GPR19: variants seen among roughly 807,000 people sequenced by gnomAD.
GPR19 encodes the protein G protein-coupled receptor 19.
Under a neutral mutation model 28.5 loss-of-function variants are expected in GPR19, and 14 were observed. The ratio of observed to expected loss-of-function variants is 0.49; its 90% CI spans 0.32 to 0.77. The LOEUF (loss-of-function observed/expected upper bound fraction) is 0.77, where lower values mean the gene tolerates loss of function less well. Among genes scored for constraint, GPR19 ranks in the 30% least tolerant of loss-of-function variants. The pLI is 0.03. For synonymous variants in GPR19, 173 were observed against 184.1 expected, an observed-to-expected ratio of 0.94 and a Z score of 0.49; for missense variants, 409 against 504.1, an observed-to-expected ratio of 0.81 and a Z score of 1.81.
At chr12:12,680,745 G>C (rs562396908) in intron 3 of GPR19, among the ~76,000 whole-genome samples, 18 of 152,058 alleles carry the variant, frequency 1.2e-4, no homozygotes, top group African/African-American at 3.9e-4. Flanking sequence ...CTGGAGAGCA[G>C]TGGCACCATC....
chr12:12,668,833 T>C lies in GPR19; in HGVS notation c.-22-6363A>G, dbSNP rs144494713. 6 of 152,266 alleles carry C rather than the reference T, an allele frequency of 3.9e-5. No homozygotes were observed. In the East Asian group the frequency reaches 1.2e-3, roughly 29 times the overall value. The allele number at this position is 152,266 out of a possible 1,614,324, so 9.4% of individuals were successfully genotyped here. ...AAGAGTTAATACTTATTTTTGTGCT[T>C]ACTATGTGCCAGGCACTTTATATGT... On this transcript the variant is annotated intron_variant, in intron 3 of 3. Transcript: ENST00000651487.
At chr12:12,680,135 A>C (rs905915991) in intron 3 of GPR19, among the ~76,000 whole-genome samples, 1 of 152,240 alleles carries the variant, frequency 6.6e-6, no homozygotes, top group Non-Finnish European at 1.5e-5. Context: ...AATTTTCTAG[A>C]ATGATATTTG....
chr12:12,693,506 C>A (rs1488931246), intron 2 of GPR19, among the ~76,000 whole-genome samples: 2 of 152,204 alleles, frequency 1.3e-5, no homozygotes, highest in Admixed American at 1.3e-4. Context: ...TGTGCTAGAT[C>A]AAAAGACCAG....
intron 1 of GPR19, among the ~76,000 whole-genome samples, 197 bp from the exon 2 acceptor site, chr12:12,695,708 C>T (rs12582902): frequency 1.3e-5 from 2 of 152,094 alleles, no homozygotes; most frequent in East Asian, 3.9e-4. Context: ...TAAATGCATG[C>T]CATTTCTGCC....
At chr12:12,700,381 T>C (rs1041767379), upstream of GPR19, among the ~76,000 whole-genome samples, 5 of 152,034 alleles carry the variant, frequency 3.3e-5, no homozygotes, top group Admixed American at 6.6e-5. Flanking sequence ...TTTGTTAGAC[T>C]CTCTCATAAG....
chr12:12,712,144 C>T, the GPR19 span, among the ~76,000 whole-genome samples: 1 of 152,238 alleles, frequency 6.6e-6, no homozygotes, highest in African/African-American at 2.4e-5. Context: ...CTTTGCGGCT[C>T]AGGAGATTAT....
At chr12:12,710,318 A>G in the GPR19 span, among the ~76,000 whole-genome samples, 1 of 139,314 alleles carries the variant, frequency 7.2e-6, no homozygotes, top group Non-Finnish European at 1.5e-5. Flanking sequence ...GTGCCATTAC[A>G]CTCCAGCTTG....
the GPR19 span, among the ~76,000 whole-genome samples, chr12:12,704,363 G>A: frequency 6.6e-6 from 1 of 152,166 alleles, no homozygotes; most frequent in Admixed American, 6.5e-5. Context: ...CTAGCTGGGT[G>A]TGGTAGTACA....
intron 2 of GPR19, among the ~76,000 whole-genome samples, chr12:12,685,633 G>T (rs952309329): frequency 6.6e-6 from 1 of 152,202 alleles, no homozygotes; most frequent in African/African-American, 2.4e-5. Flanking sequence ...AGTATTCTCA[G>T]AGCCAAATTG....
chr12:12,691,315 G>A lies in GPR19; in HGVS notation c.-180+4144C>T, dbSNP rs528606200. 7.2e-4 allele frequency among the ~76,000 whole-genome samples: 109 copies of A among 152,232 alleles called. 3 individuals carry two copies. The South Asian group carries it at 0.021, about 29-fold the overall frequency. On this transcript the variant is annotated intron_variant, in intron 2 of 3. Transcript: ENST00000651487. ...TAAAATTCCGTTAACTTTCCAGAAT[G>A]AGCCTGCCAATAGCTCTGGTCTAAA...
chr12:12,705,683 G>A, the GPR19 span, among the ~76,000 whole-genome samples: 1 of 152,016 alleles, frequency 6.6e-6, no homozygotes, highest in Non-Finnish European at 1.5e-5. Flanking sequence ...CAGTAGCTGG[G>A]ACTACAGGCA....
At chr12:12,694,186 G>GTTTTTTT (rs1256563402) in intron 2 of GPR19, among the ~76,000 whole-genome samples, 1 of 93,508 alleles carries the variant, frequency 1.1e-5, no homozygotes, top group African/African-American at 4.1e-5. Flanking sequence ...TAGAGTACCT[G>GTTTTTTT]TCTTTTTTTT....
chr12:12,713,908 T>C, the GPR19 span, among the ~76,000 whole-genome samples: 2 of 152,208 alleles, frequency 1.3e-5, no homozygotes, highest in African/African-American at 2.4e-5. Flanking sequence ...TCCTTTTCCC[T>C]CTCCGCTTAT....
At chr12:12,681,420 C>G (rs989408296) in intron 3 of GPR19, among the ~76,000 whole-genome samples, 2 of 152,208 alleles carry the variant, frequency 1.3e-5, no homozygotes, top group Non-Finnish European at 2.9e-5. Context: ...TTGGCAAGGC[C>G]TCTCCTCAAG....
intron 1 of GPR19, among the ~76,000 whole-genome samples, chr12:12,695,754 G>A (rs1946251746): frequency 6.6e-6 from 1 of 152,116 alleles, no homozygotes; most frequent in Non-Finnish European, 1.5e-5. Flanking sequence ...ACTCTTTTAA[G>A]AAAAATGTCC....
upstream of GPR19, among the ~76,000 whole-genome samples, chr12:12,700,898 T>C (rs543212158): frequency 9.2e-5 from 14 of 152,362 alleles, no homozygotes; most frequent in Middle Eastern, 3.4e-3. Context: ...CTTTTTACTT[T>C]TACTTTTTAA....
intron 3 of GPR19, among the ~76,000 whole-genome samples, chr12:12,680,188 T>C (rs1231902505): frequency 6.6e-6 from 1 of 152,210 alleles, no homozygotes; most frequent in African/African-American, 2.4e-5. Flanking sequence ...AGAATGCAGA[T>C]AAAAGAACTT....
At chr12:12,717,087 A>G in the GPR19 span, 1 of 1,010,232 alleles carries the variant, frequency 9.9e-7, no homozygotes, top group Non-Finnish European at 1.2e-6. Context: ...GCCCCGCCCC[A>G]GGTTCCCGGC....
At chr12:12,686,477 C>T (rs187051242) in intron 2 of GPR19, among the ~76,000 whole-genome samples, 6 of 152,298 alleles carry the variant, frequency 3.9e-5, no homozygotes, top group African/African-American at 1.4e-4. Flanking sequence ...CTCTCTTAGT[C>T]AAGAATAATT....
Sources: gnomAD v4.1 joint callset for allele counts (sites outside exome capture counted in the v4.1 genomes callset) on GRCh38, gnomAD v4.1.1 for gene constraint, MANE v1.5 for transcripts, NCBI Gene and HGNC (gene_info 2026-07-23, HGNC 2026-07-21) for gene names.